The following MACROD2 variants were observed in gnomAD, a reference collection of about 807,000 sequenced individuals.
The protein encoded by MACROD2 is ADP-ribose glycohydrolase MACROD2.
A neutral mutation model predicts 70.4 loss-of-function variants in MACROD2; 36 were observed. The ratio of observed to expected loss-of-function variants is 0.51; its 90% CI spans 0.39 to 0.68. The LOEUF (loss-of-function observed/expected upper bound fraction) is 0.68, where lower values mean the gene tolerates loss of function less well. Among genes scored for constraint, MACROD2 ranks in the 30% least tolerant of loss-of-function variants. MACROD2 has a pLI of 0.00. For synonymous variants in MACROD2, 172 were observed against 178.8 expected (o/e 0.96, Z 0.30); for missense variants, 496 against 538.4 (o/e 0.92, Z 0.78).
rs557436324 is a variant in MACROD2, at chr20:14,394,848, G to A, written c.272-98631G>A. Among the ~76,000 whole-genome samples the A allele has an allele frequency of 7.2e-5, 11 of 152,272 alleles. No individual in the cohort carries two copies. The South Asian group carries it at 2.3e-3, about 32-fold the overall frequency. On this transcript the variant is annotated intron_variant, in intron 3 of 17. Coordinates refer to ENST00000684519, the MANE Select transcript of MACROD2 (RefSeq NM_001351661.2). ...AATGCTTTTATGCATCTATTGATAT[G>A]ATTATATGTATTTTCTTATTTGTCC...
intron 1 of MACROD2, among the ~76,000 whole-genome samples, chr20:13,998,628 C>G (rs1249161917): frequency 6.6e-6 from 1 of 152,056 alleles, no homozygotes; most frequent in Non-Finnish European, 1.5e-5. Context: ...AAGACCCTAT[C>G]CCCCATACTA....
At chr20:14,523,376 T>C (rs1005010383) in intron 4 of MACROD2, 3 of 152,154 alleles carry the variant, frequency 2.0e-5, no homozygotes, top group African/African-American at 4.8e-5. Context: ...AATTATATTT[T>C]CTGCTTCACG....
intron 5 of MACROD2, among the ~76,000 whole-genome samples, chr20:15,142,046 G>A (rs1206759648): frequency 1.3e-5 from 2 of 152,064 alleles, no homozygotes; most frequent in Admixed American, 6.5e-5. Flanking sequence ...TGAGCATAGT[G>A]GATTTTTATC....
At chr20:15,251,294 A>G (rs1413474722) in intron 6 of MACROD2, among the ~76,000 whole-genome samples, 1 of 152,214 alleles carries the variant, frequency 6.6e-6, no homozygotes, top group Non-Finnish European at 1.5e-5. Flanking sequence ...GAAGTTAGAT[A>G]AATGATAATG....
chr20:14,522,952 G>A (rs1032711334), intron 4 of MACROD2, among the ~76,000 whole-genome samples: 1 of 152,152 alleles, frequency 6.6e-6, no homozygotes, highest in Non-Finnish European at 1.5e-5. Context: ...AATGAATGAA[G>A]GAAGGAAATA....
At chr20:15,978,237 A>AC (rs1347126850) in intron 13 of MACROD2, among the ~76,000 whole-genome samples, 1 of 151,736 alleles carries the variant, frequency 6.6e-6, no homozygotes. Flanking sequence ...CCCCAGGACC[A>AC]CCCCCCTCCC....
intron 8 of MACROD2, among the ~76,000 whole-genome samples, chr20:15,667,197 TGTGAGATCTG>T (rs2049911145): frequency 6.6e-6 from 1 of 152,170 alleles, no homozygotes; most frequent in African/African-American, 2.4e-5. Context: ...AGTGAGTTCT[TGTGAGATCTG>T]GTCATTTAAA....
At chr20:15,942,377 AG>A (rs1446629001) in intron 12 of MACROD2, among the ~76,000 whole-genome samples, 1 of 152,222 alleles carries the variant, frequency 6.6e-6, no homozygotes, top group East Asian at 1.9e-4. Flanking sequence ...TGCATGCCAA[AG>A]ATTTGGCAAC....
At chr20:14,275,686 G>A (rs1466641617) in intron 3 of MACROD2, among the ~76,000 whole-genome samples, 6 of 152,150 alleles carry the variant, frequency 3.9e-5, no homozygotes, top group African/African-American at 1.4e-4. Context: ...CCATCAGAGT[G>A]AACAGACAGC....
chr20:15,891,066 A>G (rs1601068028), intron 10 of MACROD2, among the ~76,000 whole-genome samples: 1 of 152,304 alleles, frequency 6.6e-6, no homozygotes, highest in Middle Eastern at 3.4e-3. Context: ...AGAGAGTGAG[A>G]TAATTTCACA....
chr20:15,713,458 C>T (rs775923596), intron 8 of MACROD2, among the ~76,000 whole-genome samples: 12 of 152,132 alleles, frequency 7.9e-5, no homozygotes, highest in Non-Finnish European at 1.8e-4. Context: ...CAGGCTTCTG[C>T]TTCTGAGAAA....
At position 15,265,057 on chromosome 20, in the gene MACROD2, A is replaced by T. The variant is rs2077281230; in HGVS notation, c.540+34996A>T. On this transcript the variant is annotated intron_variant, in intron 6 of 17. Transcript: ENST00000684519. ...CATTACATGAATTAATCAGATCTTG[A>T]TGTTCTTTTAACAGTATGGCAGCAC... Among the ~76,000 whole-genome samples, 2 of 152,210 alleles carry T rather than the reference A, an allele frequency of 1.3e-5. 1 individual carries two copies. Among genetic ancestry groups the T allele is most frequent in the South Asian group, 4.1e-4 (2 of 4,832 alleles).
chr20:15,966,979 A>G lies in MACROD2; in HGVS notation c.908-574A>G, dbSNP rs558685380. Among the ~76,000 whole-genome samples, 3 of 152,310 alleles carry G rather than the reference A, an allele frequency of 2.0e-5. No homozygotes were observed. In the South Asian group the frequency reaches 6.2e-4, roughly 32 times the overall value. On this transcript the variant is annotated intron_variant, in intron 12 of 17. Coordinates refer to ENST00000684519, the MANE Select transcript of MACROD2 (RefSeq NM_001351661.2). ...TAACCATATCCTATAACAAAAAAAG[A>G]TAAGTGTACAACGATTCCATGTTTA...
intron 5 of MACROD2, among the ~76,000 whole-genome samples, chr20:14,987,928 A>G (rs1408365487): frequency 1.3e-5 from 2 of 152,170 alleles, no homozygotes; most frequent in Non-Finnish European, 2.9e-5. Flanking sequence ...AGGAGAAAGA[A>G]GTCTTCAGAG....
At chr20:15,967,681 GAAAAAAA>G (rs11467891) in intron 13 of MACROD2, 51 bp downstream of exon 13, 54 of 417,362 alleles carry the variant, frequency 1.3e-4, no homozygotes, top group African/African-American at 1.0e-3. Flanking sequence ...CTGGGAAACA[GAAAAAAA>G]AAAAAAAAAA....
At chr20:14,690,855 A>G (rs1354936035) in intron 5 of MACROD2, among the ~76,000 whole-genome samples, 3 of 152,206 alleles carry the variant, frequency 2.0e-5, no homozygotes, top group Admixed American at 1.3e-4. Context: ...AGTGTTCACT[A>G]TCCAGCCTCT....
intron 6 of MACROD2, among the ~76,000 whole-genome samples, chr20:15,276,459 A>G (rs994832589): frequency 3.3e-5 from 5 of 152,168 alleles, no homozygotes; most frequent in Non-Finnish European, 5.9e-5. Flanking sequence ...TAACTTAACT[A>G]GTTATTTGAA....
intron 3 of MACROD2, among the ~76,000 whole-genome samples, chr20:14,144,163 T>G (rs1382593171): frequency 6.6e-6 from 1 of 152,148 alleles, no homozygotes; most frequent in Admixed American, 6.5e-5. Context: ...TTGAGTGTCT[T>G]AAATAATTGG....
At chr20:15,970,242 T>G (rs1017112085) in intron 13 of MACROD2, among the ~76,000 whole-genome samples, 1 of 152,062 alleles carries the variant, frequency 6.6e-6, no homozygotes, top group Non-Finnish European at 1.5e-5. Context: ...TAATCCCAGA[T>G]AGAAGGCCAA....
Sources: gnomAD v4.1 joint callset for allele counts (sites outside exome capture counted in the v4.1 genomes callset) on GRCh38, gnomAD v4.1.1 for gene constraint, MANE v1.5 for transcripts, NCBI Gene and HGNC (gene_info 2026-07-23, HGNC 2026-07-21) for gene names.